Variants in TOP1MT observed in about 807,000 individuals in gnomAD.
The protein encoded by TOP1MT is DNA topoisomerase I mitochondrial.
TOP1MT carries 80 observed loss-of-function variants against 73.9 expected under a neutral mutation model. That is an observed-to-expected ratio of 1.08 (90% CI 0.90 to 1.30). TOP1MT has a LOEUF of 1.30. Ranked by LOEUF, TOP1MT falls within the 50% of genes most tolerant of loss-of-function variation. The pLI is 0.00. For synonymous variants in TOP1MT, 338 were observed against 326.4 expected, an observed-to-expected ratio of 1.04 and a Z score of -0.38; for missense variants, 815 against 808.0, an observed-to-expected ratio of 1.01 and a Z score of -0.10.
intron 10 of TOP1MT, among the ~76,000 whole-genome samples, 183 bp downstream of exon 10, chr8:143,317,540 T>C (rs1475795249): frequency 6.6e-6 from 1 of 151,846 alleles, no homozygotes; most frequent in African/African-American, 2.4e-5. Flanking sequence ...AGCCAGAACC[T>C]CCCTCCTCCT....
rs1235032386 is a variant in TOP1MT, at chr8:143,331,266, G to T, written c.196C>A (p.Pro66Thr). 2 of 1,612,374 alleles carry T rather than the reference G, an allele frequency of 1.2e-6. No homozygotes were observed. The highest frequency in any genetic ancestry group is 8.5e-7 in the Non-Finnish European group (1 of 1,178,696). The change falls in exon 2 of 14, where the codon CCA becomes ACA. Residue 66 changes from proline to threonine, a missense_variant. By Grantham distance (38) the Pro-to-Thr change is conservative. Transcript: ENST00000329245. ...ACTCCGTCGGGAAGGGGCTCGTATG[G>T]GGGTGCGAAGTACGGGCCCTTGTGC... ...LEHKGPYFAPPYEPLPDGVRF... is the reference protein window; with the variant it reads ...LEHKGPYFAPTYEPLPDGVRF...
At position 143,329,468 on chromosome 8, in the gene TOP1MT, C is replaced by T. The variant is rs2130290156; in HGVS notation, c.242G>A (p.Arg81Lys). 6.2e-7 allele frequency: 1 copy of T among 1,608,112 alleles called. No homozygotes were observed. The highest frequency in any genetic ancestry group is 8.5e-7 in the Non-Finnish European group (1 of 1,178,470). The stretch of plus-strand genomic sequence containing the variant: ...CGCTGCCACGCTCAATCTCACAGGC[C>T]TTCCTGCAGGCATCGGAAGACACAT... ...PDGVRFFYEG[R>K]PVRLSVAAEE... The change falls in exon 3 of 14, where the codon AGG becomes AAG. Residue 81 changes from arginine to lysine, a missense_variant. Coordinates refer to ENST00000329245, the MANE Select transcript of TOP1MT (RefSeq NM_052963.3).
At chr8:143,318,823 G>C (rs965200115) in intron 8 of TOP1MT, among the ~76,000 whole-genome samples, 11 of 152,192 alleles carry the variant, frequency 7.2e-5, no homozygotes, top group African/African-American at 2.7e-4. Context: ...CCGGGACATG[G>C]CGGGAAGCCC....
At chr8:143,342,905 C>T (rs777202565) in intron 2 of TOP1MT, among the ~76,000 whole-genome samples, 21 of 151,698 alleles carry the variant, frequency 1.4e-4, no homozygotes, top group Non-Finnish European at 2.9e-4. Flanking sequence ...CTGCCTCAGC[C>T]TCCCGACCAC....
chr8:143,338,505 T>G (rs1034655571), upstream of TOP1MT, among the ~76,000 whole-genome samples: 2 of 151,628 alleles, frequency 1.3e-5, no homozygotes, highest in Admixed American at 1.3e-4. Context: ...AGGTGGAGGC[T>G]GTGGTGAGCT....
chr8:143,342,467 GTTATTA>G (rs761855181), intron 2 of TOP1MT, among the ~76,000 whole-genome samples: 6 of 82,776 alleles, frequency 7.2e-5, no homozygotes, highest in South Asian at 6.7e-4. Flanking sequence ...GTCTCGCTCT[GTTATTA>G]TTATTATTAT....
rs564479457 is a variant in TOP1MT at position 143,354,211 on chromosome 8, T to G, written c.-39+1754A>C. On this transcript the variant is annotated intron_variant, in intron 1 of 5. Transcript: ENST00000518760. ...AATCCCAGATATACACGCAGCAGGG[T>G]GTTTTCGGCTGTGAAAGGGAATGAA... Among the ~76,000 whole-genome samples the G allele has an allele frequency of 1.5e-3, 227 of 151,192 alleles. 3 individuals carry two copies. The highest frequency in any genetic ancestry group is 5.5e-3 in the African/African-American group (224 of 41,032).
At chr8:143,315,250 T>C (rs796300731) in intron 12 of TOP1MT, among the ~76,000 whole-genome samples, 57 of 152,330 alleles carry the variant, frequency 3.7e-4, no homozygotes, top group African/African-American at 1.2e-3. Context: ...GCTCCTAGTC[T>C]GCCTTCATGT....
rs1329779037 is a variant in TOP1MT at position 143,324,599 on chromosome 8, C to T, written c.702G>A (p.Gly234=). 1.2e-6 allele frequency: 2 copies of T among 1,613,594 alleles called. No individual in the cohort carries two copies. The highest frequency in any genetic ancestry group is 2.2e-5 in the South Asian group (2 of 91,090). The change falls in exon 6 of 14, where the codon GGG becomes GGA. Residue 234 remains glycine, a synonymous_variant. Coordinates refer to ENST00000329245, the MANE Select transcript of TOP1MT (RefSeq NM_052963.3). ...CGGAGCGCACCTCCTTCCACTGGTG[C>T]CCCGCCGGCGGCTCGGGGATCTTCG... ...RDSKIPEPPA[G]HQWKEVRSDN...
intron 1 of TOP1MT, among the ~76,000 whole-genome samples, chr8:143,351,586 A>AG (rs940170027): frequency 8.5e-5 from 13 of 152,060 alleles, no homozygotes; most frequent in African/African-American, 2.4e-4. Flanking sequence ...TCTCAAAAAA[A>AG]AAAAAAGAAA....
chr8:143,328,536 G>C (rs1177275260), intron 3 of TOP1MT, among the ~76,000 whole-genome samples: 1 of 152,272 alleles, frequency 6.6e-6, no homozygotes, highest in Non-Finnish European at 1.5e-5. Context: ...ACCCGCGGCA[G>C]GCGTGTGGAC....
upstream of TOP1MT, among the ~76,000 whole-genome samples, chr8:143,338,091 CCT>C (rs1294965911): frequency 6.6e-6 from 1 of 152,126 alleles, no homozygotes; most frequent in Non-Finnish European, 1.5e-5. Flanking sequence ...CTGATTAAAA[CCT>C]CTTATTCCCT....
intron 8 of TOP1MT, among the ~76,000 whole-genome samples, chr8:143,319,275 G>C (rs746155294): frequency 1.3e-5 from 2 of 148,472 alleles, no homozygotes; most frequent in African/African-American, 2.4e-5. Flanking sequence ...CCCACGGTTG[G>C]GTCACATTAA....
intron 1 of TOP1MT, chr8:143,331,806 C>G (rs1308641440): frequency 1.3e-5 from 2 of 156,826 alleles, no homozygotes; most frequent in Non-Finnish European, 2.8e-5. Context: ...AGCAGTGCAG[C>G]CAGTGGAGAG....
chr8:143,315,644 G>C (rs555869203), intron 12 of TOP1MT, 83 bp downstream of exon 12: 2 of 998,882 alleles, frequency 2.0e-6, no homozygotes, highest in South Asian at 2.8e-5. Flanking sequence ...AACAAGGGTC[G>C]TCTCCCACCG....
chr8:143,334,847 C>A lies in TOP1MT; in HGVS notation c.15G>T (p.Arg5=). The change falls in exon 1 of 14, where the codon CGG becomes CGT. Residue 5 remains arginine, a synonymous_variant. Coordinates refer to ENST00000329245, the MANE Select transcript of TOP1MT (RefSeq NM_052963.3). ...TCAGAGCCGCCCGGAGCCGCAGCAG[C>A]CGCACCACGCGCATCTGCCAGCCTC... MRVV[R]LLRLRAALTL... is the part of the protein sequence containing the mutation. 1 of 1,510,686 alleles carries A rather than the reference C, an allele frequency of 6.6e-7. No homozygotes were observed. The highest frequency in any genetic ancestry group is 1.2e-5 in the South Asian group (1 of 82,572). The allele number at this position is 1,510,686 out of a possible 1,614,324, so 93.6% of individuals were successfully genotyped here. A position where few individuals can be genotyped will look rare whatever the true frequency, so the allele number is the denominator to read the frequency against.
chr8:143,315,778 A>G lies in TOP1MT; in HGVS notation c.1502T>C (p.Leu501Pro), dbSNP rs1390291631. ...TTTGTGCTCAGCCCTCGCCCTCCTCAGCTCTGCCCTGGCCTCAGCCACCTG... is the reference window on the plus strand; with the variant it reads ...TTTGTGCTCAGCCCTCGCCCTCCTCGGCTCTGCCCTGGCCTCAGCCACCTG... The part of the protein sequence containing the change: ...KEQVAEARAE[L>P]RRARAEHKAQ... The change falls in exon 12 of 14, where the codon CTG becomes CCG. Residue 501 changes from leucine (L) to proline (P), a missense_variant. Physicochemically the swap from Leu to Pro is moderately conservative, Grantham distance 98. This residue lies in a region of TOP1MT where 751 missense variants were observed against 725.4 expected (regional missense o/e 1.04). Coordinates refer to ENST00000329245, the MANE Select transcript of TOP1MT (RefSeq NM_052963.3). 4 of 1,613,766 alleles carry G rather than the reference A, an allele frequency of 2.5e-6. No homozygotes were observed. The highest frequency in any genetic ancestry group is 2.5e-6 in the Non-Finnish European group (3 of 1,180,002).
At chr8:143,343,675 T>C (rs116004236) in intron 1 of TOP1MT, 131 of 160,620 alleles carry the variant, frequency 8.2e-4, no homozygotes, top group Middle Eastern at 3.3e-3. Context: ...CTTTCCAAAG[T>C]AACTTTTGAA....
rs540241126 is a variant in TOP1MT at position 143,350,620 on chromosome 8, C to T, written c.-39+5345G>A. ...GTGCTGGGATTACAGGCGTGAGCCA[C>T]AGCACCCAGCCCACTATCACACTTC... is the stretch of plus-strand genomic sequence containing the variant. On this transcript the variant is annotated intron_variant, in intron 1 of 5. Coordinates refer to the TOP1MT transcript ENST00000518760. 3.3e-5 allele frequency among the ~76,000 whole-genome samples: 5 copies of T among 152,362 alleles called. No individual in the cohort carries two copies. The South Asian group carries it at 8.3e-4, about 25-fold the overall frequency.
Sources: gnomAD v4.1 joint callset for allele counts (sites outside exome capture counted in the v4.1 genomes callset) on GRCh38, gnomAD v4.1.1 for gene constraint, gnomAD v4.1.1 regional missense constraint, MANE v1.5 for transcripts, NCBI Gene and HGNC (gene_info 2026-07-23, HGNC 2026-07-21) for gene names.